The following VAC14 variants were observed in gnomAD, a reference collection of about 807,000 sequenced individuals.
VAC14 encodes the protein VAC14 component of PIKFYVE complex.
Under a neutral mutation model 85.3 loss-of-function variants are expected in VAC14, and 47 were observed. That is an observed-to-expected ratio of 0.55 (90% CI 0.44 to 0.70). VAC14 has a LOEUF of 0.70. Among genes scored for constraint, VAC14 ranks in the 30% least tolerant of loss-of-function variants. The probability of loss-of-function intolerance (pLI) is 0.00; values close to 1 mark genes in which losing one functional copy is unlikely to be tolerated. For missense variants in VAC14, 861 were observed against 1,004.3 expected, an observed-to-expected ratio of 0.86 and a Z score of 1.93; for synonymous variants, 447 against 430.5, an observed-to-expected ratio of 1.04 and a Z score of -0.47.
chr16:70,707,852 G>A (rs564032192), intron 14 of VAC14, among the ~76,000 whole-genome samples: 154 of 150,782 alleles, frequency 1.0e-3, no homozygotes, highest in African/African-American at 1.5e-3. Flanking sequence ...GTGCAGTGGT[G>A]TGATCTTGGC....
At chr16:70,742,016 C>T (rs1218509905) in intron 13 of VAC14, among the ~76,000 whole-genome samples, 1 of 152,226 alleles carries the variant, frequency 6.6e-6, no homozygotes, top group African/African-American at 2.4e-5. Flanking sequence ...GTCTCCTGGT[C>T]CTCCTTCCAT....
At position 70,789,175 on chromosome 16, in the gene VAC14, A is replaced by C. The variant is rs564146463; in HGVS notation, c.105-2810T>G. Among the ~76,000 whole-genome samples, 54 of 152,382 alleles carry C rather than the reference A, an allele frequency of 3.5e-4. No homozygotes were observed. In the South Asian group the frequency reaches 1.0e-2, roughly 28 times the overall value. On this transcript the variant is annotated intron_variant, in intron 1 of 18. Coordinates refer to ENST00000261776, the MANE Select transcript of VAC14 (RefSeq NM_018052.5). The stretch of plus-strand genomic sequence containing the variant: ...GGTGGGAGGACTCAAACAGTAACAC[A>C]GTTTAACACAAGACTAAACACAGAA...
intron 13 of VAC14, among the ~76,000 whole-genome samples, chr16:70,733,206 C>T (rs1449148586): frequency 1.3e-5 from 2 of 152,154 alleles, no homozygotes; most frequent in Admixed American, 6.5e-5. Flanking sequence ...TTTGCCTATT[C>T]TGGATGTTTC....
Position 70,699,064 on chromosome 16 carries a change from T to G in VAC14, c.1662-253A>C, listed in dbSNP as rs2053770856. Among the ~76,000 whole-genome samples the G allele has an allele frequency of 4.6e-5, 7 of 152,228 alleles. No individual in the cohort carries two copies. The South Asian group carries it at 1.5e-3, about 32-fold the overall frequency. On this transcript the variant is annotated intron_variant, in intron 14 of 18. Coordinates refer to ENST00000261776, the MANE Select transcript of VAC14 (RefSeq NM_018052.5). The stretch of plus-strand genomic sequence containing the variant: ...CACGCCAGGGCGCCCCACGCTATAT[T>G]AATCTCCCGGCACAAGAGAAACAGC...
At position 70,772,206 on chromosome 16, in the gene VAC14, G is replaced by C. The variant is rs750319959; in HGVS notation, c.1097-34C>G. The C allele has an allele frequency of 3.8e-6, 6 of 1,587,522 alleles. No individual in the cohort carries two copies. The East Asian group carries it at 6.7e-5, about 18-fold the overall frequency. ...GGAAGAGGAACAAGGGGTCATGAAA[G>C]GCTGTTGGCTCTCTTGAATAAACAA... On this transcript the variant is annotated intron_variant, in intron 9 of 18. Coordinates refer to ENST00000261776, the MANE Select transcript of VAC14 (RefSeq NM_018052.5).
intron 14 of VAC14, among the ~76,000 whole-genome samples, chr16:70,701,848 T>A (rs1377510589): frequency 6.6e-6 from 1 of 152,198 alleles, no homozygotes; most frequent in East Asian, 1.9e-4. Flanking sequence ...GGTTTTTTGG[T>A]TCCTGACCTC....
chr16:70,793,493 C>A (rs1464907776), intron 1 of VAC14, among the ~76,000 whole-genome samples: 1 of 152,200 alleles, frequency 6.6e-6, no homozygotes, highest in Admixed American at 6.5e-5. Context: ...TTTCTAACCC[C>A]AAGATCTAAA....
chr16:70,689,699 G>A (rs1004056810), intron 18 of VAC14: 5 of 985,626 alleles, frequency 5.1e-6, no homozygotes, highest in Non-Finnish European at 4.8e-6. Flanking sequence ...GCTCCCTAGC[G>A]GGGCTCAGCT....
At position 70,692,850 on chromosome 16, in the gene VAC14, G is replaced by C. The variant is rs1007706599; in HGVS notation, c.2157C>G (p.Cys719Trp). 3.7e-6 allele frequency: 6 copies of C among 1,602,810 alleles called. No homozygotes were observed. Among genetic ancestry groups the C allele is most frequent in the South Asian group, 2.3e-5 (2 of 88,684 alleles). ...TCTGCAGCAGCTCAGGGTTGGGCACGCACTGGAGCCGGTGCGAGAGCAGCT... is the reference window on the plus strand; with the variant it reads ...TCTGCAGCAGCTCAGGGTTGGGCACCCACTGGAGCCGGTGCGAGAGCAGCT... ...AFQLLSHRLQ[C>W]VPNPELLQTE... Residue 719 changes from cysteine to tryptophan, a missense_variant, in exon 18 of 19, where the codon TGC (cysteine) becomes TGG (tryptophan). Coordinates refer to ENST00000261776, the MANE Select transcript of VAC14 (RefSeq NM_018052.5).
At chr16:70,788,721 C>T (rs115714969) in intron 1 of VAC14, among the ~76,000 whole-genome samples, 5,910 of 152,296 alleles carry the variant, frequency 0.039, 366 homozygotes, top group African/African-American at 0.13. Context: ...GTAGAATTCT[C>T]GCCTGCCATG....
intron 12 of VAC14, among the ~76,000 whole-genome samples, chr16:70,759,033 G>C (rs1402580753): frequency 6.6e-6 from 1 of 152,202 alleles, no homozygotes; most frequent in African/African-American, 2.4e-5. Flanking sequence ...TGGCAGACGA[G>C]ACACCCCAGC....
At chr16:70,701,022 C>A (rs1028141446) in intron 14 of VAC14, among the ~76,000 whole-genome samples, 1 of 152,170 alleles carries the variant, frequency 6.6e-6, no homozygotes, top group Non-Finnish European at 1.5e-5. Flanking sequence ...GGCACCCAGA[C>A]CTCCTGGTGT....
chr16:70,755,712 C>T (rs1023084966), intron 12 of VAC14, among the ~76,000 whole-genome samples: 5 of 152,224 alleles, frequency 3.3e-5, no homozygotes, highest in South Asian at 2.1e-4. Context: ...TGACCCACCA[C>T]GGTTCCTAAA....
At position 70,730,939 on chromosome 16, in the gene VAC14, G is replaced by A. The variant is rs150235329; in HGVS notation, c.1661+556C>T. Among the ~76,000 whole-genome samples, 560 of 152,308 alleles carry A rather than the reference G, an allele frequency of 3.7e-3. 2 individuals carry two copies. The highest frequency in any genetic ancestry group is 0.015 in the South Asian group (70 of 4,826). On this transcript the variant is annotated intron_variant, in intron 14 of 18. Transcript: ENST00000261776. ...CTGCTCTAGCTTTCACCAGGTTGAGGGTGACACTGGGCCACTCTTCTGCTA... is the reference window on the plus strand; with the variant it reads ...CTGCTCTAGCTTTCACCAGGTTGAGAGTGACACTGGGCCACTCTTCTGCTA...
chr16:70,734,927 T>TG (rs1192414948), intron 13 of VAC14, among the ~76,000 whole-genome samples: 3 of 152,214 alleles, frequency 2.0e-5, no homozygotes, highest in African/African-American at 7.2e-5. Context: ...CCCAGGCAGC[T>TG]GGTCTTCAGA....
rs146822441 is a variant in VAC14, at chr16:70,687,568, T to TAC, written c.*358_*359dup. ...ACACAGGCATGTGTTCACGTATGTA[T>TAC]ACATATACACACAAGGCCAGAGCTC... On this transcript the variant is annotated 3_prime_UTR_variant, in exon 19 of 19. Transcript: ENST00000261776. 1,761 of 192,846 alleles carry TAC rather than the reference T, an allele frequency of 9.1e-3. 37 individuals are homozygous for TAC. The highest frequency in any genetic ancestry group is 0.039 in the African/African-American group (1,695 of 43,130). 11.9% of individuals were successfully genotyped at this position (192,846 alleles called of 1,614,324 possible).
At chr16:70,786,731 G>C (rs188627027) in intron 1 of VAC14, among the ~76,000 whole-genome samples, 9 of 152,184 alleles carry the variant, frequency 5.9e-5, no homozygotes, top group Non-Finnish European at 1.3e-4. Flanking sequence ...AATTCTCCGC[G>C]TCTGAGCGAC....
At chr16:70,749,697 TGGCTTGAGGTGG>T (rs2143016937) in intron 12 of VAC14, among the ~76,000 whole-genome samples, 1 of 152,310 alleles carries the variant, frequency 6.6e-6, no homozygotes, top group South Asian at 2.1e-4. Context: ...GGGCAAGGAA[TGGCTTGAGGTGG>T]GGCCTGGGGT....
In VAC14 at chr16:70,740,715, C is replaced by T. The variant is rs560878650; in HGVS notation, c.1528+3708G>A. Reference sequence around the variant, plus strand: ...TCAGCCAGCTTCCCTCACAGCTGCCCGCCCAGGCTGCTCCCCATCCTGTTT... The same window carrying T: ...TCAGCCAGCTTCCCTCACAGCTGCCTGCCCAGGCTGCTCCCCATCCTGTTT... On this transcript the variant is annotated intron_variant, in intron 13 of 18. Coordinates refer to ENST00000261776, the MANE Select transcript of VAC14 (RefSeq NM_018052.5). Among the ~76,000 whole-genome samples the T allele has an allele frequency of 4.6e-5, 7 of 152,318 alleles. No homozygotes were observed. The South Asian group carries it at 1.0e-3, about 23-fold the overall frequency.
Sources: gnomAD v4.1 joint callset for allele counts (sites outside exome capture counted in the v4.1 genomes callset) on GRCh38, gnomAD v4.1.1 for gene constraint, MANE v1.5 for transcripts, NCBI Gene and HGNC (gene_info 2026-07-23, HGNC 2026-07-21) for gene names.